Variants in IQUB observed in about 807,000 individuals in gnomAD.
IQUB encodes the protein IQ motif and ubiquitin domain containing, also known as IQ motif and ubiquitin-like domain-containing protein.
In IQUB, 86 loss-of-function variants were observed where a neutral mutation model predicts 86.4. The ratio of observed to expected loss-of-function variants is 1.00; its 90% CI spans 0.84 to 1.19. The LOEUF is 1.19. Among genes scored for constraint, IQUB ranks in the 50% most tolerant of loss-of-function variants. The pLI is 0.00. For synonymous variants in IQUB, 289 were observed against 304.5 expected, an observed-to-expected ratio of 0.95 and a Z score of 0.53; for missense variants, 946 against 916.9, an observed-to-expected ratio of 1.03 and a Z score of -0.41.
chr7:123,475,782 GC>G (rs1794724737), intron 8 of IQUB, among the ~76,000 whole-genome samples: 2 of 152,106 alleles, frequency 1.3e-5, no homozygotes, highest in Admixed American at 1.3e-4. Context: ...TATTTGTGTT[GC>G]CCTGGGCCCA....
chr7:123,452,980 A>G, intron 12 of IQUB, 55 bp from the exon 13 acceptor site: 2 of 1,373,648 alleles, frequency 1.5e-6, no homozygotes, highest in Admixed American at 2.0e-5. Flanking sequence ...TTTGCCAGGT[A>G]AAAATACTGT....
At chr7:123,529,724 T>TTAAA (rs1410127512) in intron 1 of IQUB, among the ~76,000 whole-genome samples, 1 of 35,830 alleles carries the variant, frequency 2.8e-5, no homozygotes, top group Non-Finnish European at 4.6e-5. Context: ...TGTCTCTACT[T>TTAAA]AAAAAAAAAA....
intron 8 of IQUB, among the ~76,000 whole-genome samples, chr7:123,469,814 A>G (rs551509996): frequency 1.3e-5 from 2 of 152,316 alleles, no homozygotes; most frequent in Non-Finnish European, 2.9e-5. Context: ...TTAGACCTAA[A>G]GATATACCAA....
Position 123,512,075 on chromosome 7 carries a change from G to T in IQUB, c.266C>A (p.Ser89Ter). 6.2e-7 allele frequency: 1 copy of T among 1,614,060 alleles called. No homozygotes were observed. Among genetic ancestry groups the T allele is most frequent in the South Asian group, 1.1e-5 (1 of 91,070 alleles). The change falls in exon 2 of 13, where the codon TCA becomes TAA. Residue 89 changes from serine to a stop codon, truncating the protein, a stop_gained. Transcript: ENST00000324698. LOFTEE classifies it high-confidence loss of function. ...MEEVISPRQV[S>*]YTPQHHEKQY... ...CTTTTCATGATGTTGCGGAGTATATGAAACTTGTCTTGGTGATATAACCTC... is the reference window on the plus strand; with the variant it reads ...CTTTTCATGATGTTGCGGAGTATATTAAACTTGTCTTGGTGATATAACCTC...
intron 1 of IQUB, among the ~76,000 whole-genome samples, chr7:123,513,062 A>G (rs1348154356): frequency 2.6e-5 from 4 of 152,164 alleles, no homozygotes; most frequent in Non-Finnish European, 5.9e-5. Context: ...GAAAATAGGG[A>G]AGGTAGCCCC....
intron 7 of IQUB, among the ~76,000 whole-genome samples, chr7:123,490,761 T>C (rs1251912212): frequency 1.3e-5 from 2 of 152,136 alleles, no homozygotes; most frequent in Non-Finnish European, 2.9e-5. Flanking sequence ...GGTCAGGAGT[T>C]CATGAGCAGC....
intron 9 of IQUB, among the ~76,000 whole-genome samples, chr7:123,466,732 C>A (rs1307152435): frequency 6.6e-6 from 1 of 152,080 alleles, no homozygotes; most frequent in Admixed American, 6.5e-5. Flanking sequence ...TTATGAAATT[C>A]TCAGGTTTGT....
chr7:123,501,654 C>T (rs936485578), intron 6 of IQUB: 2 of 152,188 alleles, frequency 1.3e-5, no homozygotes, highest in African/African-American at 4.8e-5. Flanking sequence ...AGGTGCTGAA[C>T]TTCAGAGAAC....
chr7:123,453,558 A>G (rs367779466), intron 12 of IQUB, among the ~76,000 whole-genome samples: 2 of 151,994 alleles, frequency 1.3e-5, no homozygotes, highest in African/African-American at 4.8e-5. Context: ...GTAATGAAGA[A>G]GATGAACTAG....
intron 9 of IQUB, among the ~76,000 whole-genome samples, 162 bp downstream of exon 9, chr7:123,469,052 A>G (rs1338975836): frequency 2.6e-5 from 4 of 152,234 alleles, no homozygotes; most frequent in African/African-American, 9.6e-5. Context: ...TATGTATTAT[A>G]TTTTGAGAAC....
At chr7:123,476,620 G>A (rs1794756431) in intron 8 of IQUB, among the ~76,000 whole-genome samples, 1 of 151,780 alleles carries the variant, frequency 6.6e-6, no homozygotes, top group Admixed American at 6.6e-5. Context: ...TGAAACTGGA[G>A]GCAGCAGCTC....
intron 1 of IQUB, among the ~76,000 whole-genome samples, chr7:123,525,665 T>C (rs1165768150): frequency 6.6e-6 from 1 of 152,220 alleles, no homozygotes; most frequent in African/African-American, 2.4e-5. Flanking sequence ...CCTGGATTCA[T>C]TAATTTTTTG....
intron 1 of IQUB, among the ~76,000 whole-genome samples, chr7:123,534,168 G>A (rs1193264117): frequency 6.6e-6 from 1 of 152,186 alleles, no homozygotes; most frequent in Non-Finnish European, 1.5e-5. Flanking sequence ...TCTAGTGCCA[G>A]GTGTGGGTTA....
At position 123,502,927 on chromosome 7, in the gene IQUB, A is replaced by G. The variant is rs1244648096; in HGVS notation, c.867+17T>C. 1 of 1,592,342 alleles carries G rather than the reference A, an allele frequency of 6.3e-7. No individual in the cohort carries two copies. ...TCTATACCTTCAAAAACCTAAAGAG[A>G]CAAATAAAAACATTACCTGCGTATC... On this transcript the variant is annotated intron_variant, in intron 5 of 12. Transcript: ENST00000324698.
intron 3 of IQUB, among the ~76,000 whole-genome samples, chr7:123,503,817 A>G (rs976194959): frequency 9.9e-5 from 15 of 152,066 alleles, no homozygotes; most frequent in African/African-American, 3.4e-4. Flanking sequence ...CTCTGATGTT[A>G]GTACAAAAAA....
At chr7:123,460,675 T>A (rs1395986680) in intron 11 of IQUB, among the ~76,000 whole-genome samples, 1 of 151,870 alleles carries the variant, frequency 6.6e-6, no homozygotes, top group Non-Finnish European at 1.5e-5. Flanking sequence ...CCAAACAGTG[T>A]CAGGAATTTG....
intron 1 of IQUB, among the ~76,000 whole-genome samples, chr7:123,527,742 T>A (rs2117374944): frequency 6.6e-6 from 1 of 152,232 alleles, no homozygotes; most frequent in South Asian, 2.1e-4. Flanking sequence ...GACATTTAAG[T>A]CTGCAGAGTT....
chr7:123,472,966 C>T (rs1794598175), intron 8 of IQUB, among the ~76,000 whole-genome samples: 1 of 151,782 alleles, frequency 6.6e-6, no homozygotes, highest in South Asian at 2.1e-4. Context: ...CAGCACAGAC[C>T]CTGGAAGAGA....
At chr7:123,529,133 G>T (rs1383361471) in intron 1 of IQUB, among the ~76,000 whole-genome samples, 1 of 151,976 alleles carries the variant, frequency 6.6e-6, no homozygotes, top group Non-Finnish European at 1.5e-5. Flanking sequence ...AGAATAGAAG[G>T]GGATAAAATA....
Sources: allele counts gnomAD v4.1 joint callset (sites outside exome capture counted in the v4.1 genomes callset), GRCh38; gene constraint gnomAD v4.1.1; transcripts MANE v1.5; gene names NCBI Gene and HGNC (gene_info 2026-07-23, HGNC 2026-07-21).